Variants in LIMS1 observed in about 807,000 individuals in gnomAD.
LIMS1 encodes the protein LIM and senescent cell antigen-like-containing domain protein 1.
A neutral mutation model predicts 44.1 loss-of-function variants in LIMS1; 18 were observed. The ratio of observed to expected loss-of-function variants is 0.41; its 90% CI spans 0.28 to 0.61. The LOEUF (loss-of-function observed/expected upper bound fraction) is 0.61, where lower values mean the gene tolerates loss of function less well. Ranked by LOEUF, LIMS1 falls within the 20% of genes least tolerant of loss-of-function variation. The pLI is 0.32. For missense variants in LIMS1, 201 were observed against 422.0 expected (o/e 0.48, Z 4.59); for synonymous variants, 93 against 149.1 (o/e 0.62, Z 2.74).
At chr2:108,595,221 G>A (rs1558801361) in intron 1 of LIMS1, among the ~76,000 whole-genome samples, 1 of 152,176 alleles carries the variant, frequency 6.6e-6, no homozygotes, top group Non-Finnish European at 1.5e-5. Context: ...CGAGGATGCT[G>A]TGTCTTGGCA....
chr2:108,683,596 A>G (rs980896871), intron 9 of LIMS1, among the ~76,000 whole-genome samples: 1 of 150,734 alleles, frequency 6.6e-6, no homozygotes, highest in Non-Finnish European at 1.5e-5. Flanking sequence ...TATTTACATT[A>G]GATTTCCTGT....
intron 1 of LIMS1, chr2:108,621,180 T>G (rs1573470298): frequency 8.4e-7 from 1 of 1,197,568 alleles, no homozygotes; most frequent in South Asian, 1.6e-5. Flanking sequence ...CTGAGGAGGG[T>G]GTGTACCAGT....
chr2:108,647,874 A>G lies in LIMS1; in HGVS notation c.33-11731A>G, dbSNP rs547170796. 2.2e-4 allele frequency among the ~76,000 whole-genome samples: 33 copies of G among 152,310 alleles called. No individual in the cohort carries two copies. The South Asian group carries it at 6.6e-3, about 31-fold the overall frequency. On this transcript the variant is annotated intron_variant, in intron 1 of 9. Transcript: ENST00000544547. ...CCAATAGCATACTGAATGGGCAAAAACTGGAAGCAATCCCTTTAAAAAACC... is the reference window on the plus strand; with the variant it reads ...CCAATAGCATACTGAATGGGCAAAAGCTGGAAGCAATCCCTTTAAAAAACC...
chr2:108,610,680 T>A (rs908032208), intron 1 of LIMS1, among the ~76,000 whole-genome samples: 2 of 152,158 alleles, frequency 1.3e-5, no homozygotes, highest in Non-Finnish European at 2.9e-5. Context: ...TCTACATTTG[T>A]TTTCTTTAAA....
intron 1 of LIMS1, among the ~76,000 whole-genome samples, chr2:108,609,547 C>G (rs1687474686): frequency 6.6e-6 from 1 of 152,242 alleles, no homozygotes; most frequent in African/African-American, 2.4e-5. Flanking sequence ...CATGCCTTTG[C>G]ATTCTCCTCT....
chr2:108,602,127 G>A (rs894673278), intron 1 of LIMS1, among the ~76,000 whole-genome samples: 1 of 152,070 alleles, frequency 6.6e-6, no homozygotes, highest in African/African-American at 2.4e-5. Flanking sequence ...ATATAGAAAT[G>A]GTACTGACTT....
chr2:108,611,945 A>G (rs1246959592), intron 1 of LIMS1, among the ~76,000 whole-genome samples: 1 of 145,502 alleles, frequency 6.9e-6, no homozygotes, highest in Non-Finnish European at 1.5e-5. Context: ...TATATAAAAT[A>G]TATATACATA....
intron 1 of LIMS1, among the ~76,000 whole-genome samples, chr2:108,553,579 C>T (rs922449323): frequency 6.6e-6 from 1 of 152,158 alleles, no homozygotes; most frequent in Non-Finnish European, 1.5e-5. Flanking sequence ...ATTGACATTC[C>T]TATTTTGTGG....
chr2:108,616,264 G>C (rs1298907621), intron 1 of LIMS1, among the ~76,000 whole-genome samples: 1 of 141,776 alleles, frequency 7.1e-6, no homozygotes, highest in Non-Finnish European at 1.5e-5. Flanking sequence ...GGAGTGCAGT[G>C]GTGTGACCAT....
chr2:108,544,354 A>G (rs983334340), intron 1 of LIMS1, among the ~76,000 whole-genome samples: 1 of 152,226 alleles, frequency 6.6e-6, no homozygotes, highest in Non-Finnish European at 1.5e-5. Context: ...CTGATTGCTC[A>G]GCCTCATCCC....
At chr2:108,602,578 A>G (rs759722644) in intron 1 of LIMS1, among the ~76,000 whole-genome samples, 4 of 152,118 alleles carry the variant, frequency 2.6e-5, no homozygotes, top group African/African-American at 7.2e-5. Flanking sequence ...CATTCTGTTG[A>G]TATGATGTAT....
intron 9 of LIMS1, chr2:108,681,262 C>CA (rs1692976526): frequency 8.0e-7 from 1 of 1,242,918 alleles, no homozygotes; most frequent in African/African-American, 1.6e-5. Context: ...GATTGAAATA[C>CA]AAGTATTTGT....
intron 1 of LIMS1, among the ~76,000 whole-genome samples, chr2:108,656,579 C>A (rs1690870873): frequency 6.6e-6 from 1 of 151,292 alleles, no homozygotes; most frequent in Non-Finnish European, 1.5e-5. Flanking sequence ...AAAGGGAAGC[C>A]TGACTGGTTC....
chr2:108,581,146 C>T (rs1000559512), intron 1 of LIMS1, among the ~76,000 whole-genome samples: 4 of 152,168 alleles, frequency 2.6e-5, no homozygotes, highest in Non-Finnish European at 4.4e-5. Context: ...GAAGACCAGG[C>T]CTGTGAAATC....
chr2:108,585,160 A>AAAG (rs1553455562), intron 1 of LIMS1, among the ~76,000 whole-genome samples: 1 of 151,320 alleles, frequency 6.6e-6, no homozygotes, highest in Non-Finnish European at 1.5e-5. Context: ...CAAAAAAAAA[A>AAAG]AAAAAAAAAA....
intron 2 of LIMS1, chr2:108,660,121 A>G (rs1691246134): frequency 8.8e-6 from 4 of 453,990 alleles, no homozygotes; most frequent in Admixed American, 6.3e-5. Flanking sequence ...CACCTCACCC[A>G]CTCCTGTCTC....
At position 108,547,523 on chromosome 2, in the gene LIMS1, G is replaced by T. The variant is rs922362961; in HGVS notation, c.32+12929G>T. On this transcript the variant is annotated intron_variant, in intron 1 of 9. Transcript: ENST00000544547. ...AGCCCATAACTAGCCAAGAGGGACT[G>T]TTGGCAGTTTGACTTATGTCTTCTG... 2.6e-5 allele frequency among the ~76,000 whole-genome samples: 4 copies of T among 152,304 alleles called. No homozygotes were observed. In the South Asian group the frequency reaches 8.3e-4, roughly 32 times the overall value.
At chr2:108,539,791 T>G (rs1009197224) in intron 1 of LIMS1, among the ~76,000 whole-genome samples, 2 of 152,216 alleles carry the variant, frequency 1.3e-5, no homozygotes, top group African/African-American at 2.4e-5. Context: ...GAAGTCATCA[T>G]TTCCCATCAT....
intron 1 of LIMS1, among the ~76,000 whole-genome samples, chr2:108,554,422 T>C (rs1309248981): frequency 1.3e-5 from 2 of 152,118 alleles, no homozygotes; most frequent in African/African-American, 2.4e-5. Flanking sequence ...TGGTGTCCCA[T>C]TGGGGTAGTG....
Sources: allele counts gnomAD v4.1 joint callset (sites outside exome capture counted in the v4.1 genomes callset), GRCh38; gene constraint gnomAD v4.1.1; transcripts MANE v1.5; gene names NCBI Gene and HGNC (gene_info 2026-07-23, HGNC 2026-07-21).